Variants in FSHR observed in about 807,000 individuals in gnomAD.
FSHR encodes the protein follicle-stimulating hormone receptor.
Under a neutral mutation model 52.1 loss-of-function variants are expected in FSHR, and 46 were observed. The observed-to-expected ratio is 0.88, with a 90% CI of 0.70 to 1.13. FSHR has a LOEUF of 1.13. Among genes scored for constraint, FSHR ranks in the 50% most tolerant of loss-of-function variants. FSHR has a pLI of 0.00. For missense variants in FSHR, 964 were observed against 834.6 expected (o/e 1.16, Z -1.91); for synonymous variants, 399 against 309.6 (o/e 1.29, Z -3.03).
chr2:49,056,144 T>C (rs1190556530), intron 2 of FSHR, among the ~76,000 whole-genome samples: 1 of 152,032 alleles, frequency 6.6e-6, no homozygotes, highest in African/African-American at 2.4e-5. Flanking sequence ...CTATTAATAA[T>C]AATCTTGAAT....
chr2:49,049,286 G>C (rs965710440), intron 2 of FSHR, among the ~76,000 whole-genome samples: 2 of 152,206 alleles, frequency 1.3e-5, no homozygotes, highest in African/African-American at 4.8e-5. Flanking sequence ...GTCAAGGAGA[G>C]TCCAAAGGGA....
At chr2:49,103,602 C>T (rs960008903) in intron 1 of FSHR, among the ~76,000 whole-genome samples, 1 of 152,074 alleles carries the variant, frequency 6.6e-6, no homozygotes, top group Non-Finnish European at 1.5e-5. Context: ...CCTACAGAAC[C>T]GATGGCCTGC....
At chr2:48,972,313 C>A (rs1674778510) in intron 8 of FSHR, among the ~76,000 whole-genome samples, 1 of 152,180 alleles carries the variant, frequency 6.6e-6, no homozygotes, top group African/African-American at 2.4e-5. Context: ...ATTGCTATCA[C>A]CACAAGGTAA....
intron 1 of FSHR, among the ~76,000 whole-genome samples, chr2:49,153,688 T>C (rs960822121): frequency 3.3e-5 from 5 of 152,226 alleles, no homozygotes; most frequent in Non-Finnish European, 7.3e-5. Flanking sequence ...AAGATTATCC[T>C]GTATTTCTCC....
intron 8 of FSHR, among the ~76,000 whole-genome samples, chr2:48,974,649 G>A (rs997704444): frequency 6.6e-6 from 1 of 152,206 alleles, no homozygotes; most frequent in African/African-American, 2.4e-5. Flanking sequence ...ACTGTCTGAA[G>A]TGATCAAACA....
intron 1 of FSHR, among the ~76,000 whole-genome samples, chr2:49,129,107 C>A (rs1012193631): frequency 4.7e-5 from 7 of 150,498 alleles, no homozygotes; most frequent in Non-Finnish European, 8.9e-5. Flanking sequence ...CCAAATGGTA[C>A]TTTTGTTTTC....
intron 2 of FSHR, among the ~76,000 whole-genome samples, chr2:49,024,537 C>G (rs1322925029): frequency 6.6e-6 from 1 of 151,684 alleles, no homozygotes; most frequent in African/African-American, 2.4e-5. Flanking sequence ...TGCCTAAACT[C>G]CAGATTTTGG....
At chr2:49,055,303 T>A (rs1463383914) in intron 2 of FSHR, among the ~76,000 whole-genome samples, 4 of 151,144 alleles carry the variant, frequency 2.6e-5, no homozygotes, top group African/African-American at 9.7e-5. Context: ...ATACCTGAAC[T>A]TGAAGACAGG....
rs527704821 is a variant in FSHR at position 49,035,459 on chromosome 2, C to A, written c.225-15299G>T. On this transcript the variant is annotated intron_variant, in intron 2 of 9. Transcript: ENST00000406846. Reference sequence around the variant, plus strand: ...CAGTGGTATCCTCTTCTCTGCCTCCCACCAGGGAAGTGTTTTGGATCCAGA... The same window carrying A: ...CAGTGGTATCCTCTTCTCTGCCTCCAACCAGGGAAGTGTTTTGGATCCAGA... Among the ~76,000 whole-genome samples the A allele has an allele frequency of 9.1e-4, 139 of 152,284 alleles. 1 individual carries two copies. The highest frequency in any genetic ancestry group is 1.4e-3 in the Admixed American group (22 of 15,302).
intron 2 of FSHR, among the ~76,000 whole-genome samples, chr2:49,042,166 G>A (rs1182531261): frequency 6.6e-6 from 1 of 152,166 alleles, no homozygotes; most frequent in Non-Finnish European, 1.5e-5. Flanking sequence ...GACAAGGAAA[G>A]TACACATTCT....
intron 8 of FSHR, among the ~76,000 whole-genome samples, chr2:48,982,327 T>C (rs2104063741): frequency 6.6e-6 from 1 of 152,190 alleles, no homozygotes; most frequent in East Asian, 1.9e-4. Flanking sequence ...GGAGGGGTGC[T>C]GATGCAGGGC....
chr2:49,033,400 T>C (rs757106534), intron 2 of FSHR, among the ~76,000 whole-genome samples: 1 of 152,202 alleles, frequency 6.6e-6, no homozygotes, highest in African/African-American at 2.4e-5. Context: ...TCAGTTATGG[T>C]TGGTTTTTCT....
chr2:48,972,815 T>C (rs1674803504), intron 8 of FSHR, among the ~76,000 whole-genome samples: 1 of 152,186 alleles, frequency 6.6e-6, no homozygotes, highest in South Asian at 2.1e-4. Flanking sequence ...AAACGAGCAA[T>C]ACAAAGCAGG....
chr2:49,117,375 G>A (rs757141970), intron 1 of FSHR, among the ~76,000 whole-genome samples: 1 of 152,304 alleles, frequency 6.6e-6, no homozygotes, highest in South Asian at 2.1e-4. Context: ...ATGTGATAGA[G>A]CTTGCTTTGG....
At chr2:49,070,702 T>G (rs1421719370) in intron 1 of FSHR, among the ~76,000 whole-genome samples, 2 of 152,182 alleles carry the variant, frequency 1.3e-5, no homozygotes, top group African/African-American at 2.4e-5. Flanking sequence ...AAGGACTATG[T>G]CTGTATTAAG....
At chr2:49,053,696 GA>G (rs373720103) in intron 2 of FSHR, among the ~76,000 whole-genome samples, 8 of 151,632 alleles carry the variant, frequency 5.3e-5, no homozygotes, top group African/African-American at 1.7e-4. Context: ...TTAAAAAAAA[GA>G]AAAAAAACAG....
chr2:49,140,395 G>T (rs935819106), intron 1 of FSHR, among the ~76,000 whole-genome samples: 2 of 151,946 alleles, frequency 1.3e-5, no homozygotes, highest in African/African-American at 4.8e-5. Context: ...ATGAGTAAAA[G>T]CTCCCTGAGG....
At chr2:49,116,810 ACT>A (rs1199609261) in intron 1 of FSHR, among the ~76,000 whole-genome samples, 1 of 152,094 alleles carries the variant, frequency 6.6e-6, no homozygotes, top group Non-Finnish European at 1.5e-5. Flanking sequence ...TCTTAGTGTA[ACT>A]CTGTTATTTC....
At chr2:48,979,753 A>C (rs974615974) in intron 8 of FSHR, among the ~76,000 whole-genome samples, 2 of 152,012 alleles carry the variant, frequency 1.3e-5, no homozygotes, top group African/African-American at 4.8e-5. Flanking sequence ...TTCCCTGTAC[A>C]TTCTGAGAGC....
Sources: allele counts gnomAD v4.1 joint callset (sites outside exome capture counted in the v4.1 genomes callset), GRCh38; gene constraint gnomAD v4.1.1; transcripts MANE v1.5; gene names NCBI Gene and HGNC (gene_info 2026-07-23, HGNC 2026-07-21).